The following SVIL variants were observed in gnomAD, a reference collection of about 807,000 sequenced individuals.
The protein encoded by SVIL is supervillin.
SVIL carries 101 observed loss-of-function variants against 240.4 expected under a neutral mutation model. That is an observed-to-expected ratio of 0.42 (90% CI 0.36 to 0.50). SVIL has a LOEUF of 0.50. SVIL is among the 20% of genes least tolerant of loss of function. The probability of loss-of-function intolerance (pLI) is 0.01; values close to 1 mark genes in which losing one functional copy is unlikely to be tolerated. For synonymous variants in SVIL, 999 were observed against 1,100.0 expected, an observed-to-expected ratio of 0.91 and a Z score of 1.82; for missense variants, 2,512 against 2,818.7, an observed-to-expected ratio of 0.89 and a Z score of 2.46.
intron 1 of SVIL, among the ~76,000 whole-genome samples, chr10:29,731,218 A>G (rs1303778548): frequency 6.6e-6 from 1 of 152,228 alleles, no homozygotes; most frequent in Non-Finnish European, 1.5e-5. Flanking sequence ...CTGCGAGTCC[A>G]TCCAGGGCTG....
intron 3 of SVIL, among the ~76,000 whole-genome samples, 196 bp from the exon 4 acceptor site, chr10:29,555,304 G>C (rs561933880): frequency 2.3e-4 from 33 of 141,022 alleles, no homozygotes; most frequent in Admixed American, 1.9e-3. Context: ...AAATGAATAA[G>C]AGTGTGCAGA....
chr10:29,572,242 A>G (rs1345026431), intron 1 of SVIL, among the ~76,000 whole-genome samples: 1 of 152,172 alleles, frequency 6.6e-6, no homozygotes, highest in Non-Finnish European at 1.5e-5. Flanking sequence ...CAGTGGTGGC[A>G]TTTTTGCCAT....
intron 1 of SVIL, among the ~76,000 whole-genome samples, chr10:29,727,732 C>T (rs1236031566): frequency 8.9e-6 from 1 of 112,480 alleles, no homozygotes. Flanking sequence ...TGAATTAAGT[C>T]GTGAACACAA....
chr10:29,596,596 A>G (rs2132821400), intron 1 of SVIL, among the ~76,000 whole-genome samples: 1 of 152,252 alleles, frequency 6.6e-6, no homozygotes, highest in South Asian at 2.1e-4. Context: ...TGATGCCACA[A>G]CTCAGGGAGT....
chr10:29,595,955 C>T (rs752906903), intron 1 of SVIL, among the ~76,000 whole-genome samples: 8 of 152,186 alleles, frequency 5.3e-5, no homozygotes, highest in East Asian at 1.9e-4. Flanking sequence ...TTCTGCAGGG[C>T]GAGCTTAGAG....
rs187616402 is a variant in SVIL, at chr10:29,653,241, C to T, written c.-201+4728G>A. On this transcript the variant is annotated intron_variant, in intron 3 of 35. Transcript: ENST00000375400. ...TTGGATCGTGGGGGCAAACTTCCCCCTTGCTGTTCTTGTGATGGTGAGTTC... is the reference window on the plus strand; with the variant it reads ...TTGGATCGTGGGGGCAAACTTCCCCTTTGCTGTTCTTGTGATGGTGAGTTC... 2.6e-5 allele frequency among the ~76,000 whole-genome samples: 4 copies of T among 152,258 alleles called. No individual in the cohort carries two copies. In the East Asian group the frequency reaches 7.7e-4, roughly 29 times the overall value.
chr10:29,564,453 T>G (rs1002159757), intron 2 of SVIL, among the ~76,000 whole-genome samples: 1 of 152,096 alleles, frequency 6.6e-6, no homozygotes, highest in African/African-American at 2.4e-5. Flanking sequence ...AAGAGGGAAC[T>G]GCAGTTCCTC....
intron 17 of SVIL, among the ~76,000 whole-genome samples, chr10:29,511,518 T>C (rs566799620): frequency 4.9e-4 from 75 of 152,192 alleles, no homozygotes; most frequent in Middle Eastern, 6.8e-3. Flanking sequence ...GATTTCAAGA[T>C]TCTTTTAAAT....
intron 36 of SVIL, among the ~76,000 whole-genome samples, chr10:29,461,884 T>TACACA (rs1467299855): frequency 2.6e-5 from 4 of 152,198 alleles, no homozygotes; most frequent in Non-Finnish European, 5.9e-5. Flanking sequence ...GTGTCTCCTC[T>TACACA]ACACAAGGTT....
In SVIL at chr10:29,481,689, T is replaced by C; in HGVS notation, c.4995A>G (p.Arg1665=). 1.2e-6 allele frequency: 2 copies of C among 1,613,830 alleles called. No homozygotes were observed. Among genetic ancestry groups the C allele is most frequent in the Non-Finnish European group, 1.7e-6 (2 of 1,179,952 alleles). ...AAATCGTCTCATTGTGTTCAGTAAG[T>C]CTCCCAAATATCGCCCAGTCGGGCC... ...QGRPDWAIFG[R]LTEHNETILF... is the part of the protein sequence containing the mutation. Residue 1665 remains arginine, a synonymous_variant, in exon 28 of 38, where the codon AGA becomes AGG. Transcript: ENST00000355867.
At chr10:29,465,256 C>T (rs895938104) in intron 34 of SVIL, among the ~76,000 whole-genome samples, 4 of 152,076 alleles carry the variant, frequency 2.6e-5, no homozygotes, top group Non-Finnish European at 2.9e-5. Context: ...CAATGGCAGT[C>T]GACGGGTGAC....
chr10:29,690,903 A>AT (rs1311338543), intron 1 of SVIL, among the ~76,000 whole-genome samples: 2 of 152,150 alleles, frequency 1.3e-5, no homozygotes, highest in Non-Finnish European at 2.9e-5. Flanking sequence ...AAGTTGGCTG[A>AT]TTTTTCTTAC....
chr10:29,569,750 G>A (rs1052351875), intron 1 of SVIL, among the ~76,000 whole-genome samples: 2 of 152,186 alleles, frequency 1.3e-5, no homozygotes, highest in Non-Finnish European at 1.5e-5. Context: ...AAGAATGGGG[G>A]TGGGGTCTGA....
At chr10:29,730,095 T>G (rs532267350) in intron 1 of SVIL, among the ~76,000 whole-genome samples, 7 of 152,014 alleles carry the variant, frequency 4.6e-5, no homozygotes, top group Non-Finnish European at 1.0e-4. Context: ...GGAGGATTCC[T>G]TGAGCCCAGG....
At chr10:29,600,909 T>C (rs189967546) in intron 1 of SVIL, among the ~76,000 whole-genome samples, 30 of 152,318 alleles carry the variant, frequency 2.0e-4, no homozygotes, top group Non-Finnish European at 3.5e-4. Context: ...AGTTCCGGGT[T>C]CTTTCTCACA....
At position 29,593,800 on chromosome 10, in the gene SVIL, G is replaced by A. The variant is rs1007530274; in HGVS notation, c.-200-24488C>T. Among the ~76,000 whole-genome samples, 7 of 152,268 alleles carry A rather than the reference G, an allele frequency of 4.6e-5. No individual in the cohort carries two copies. In the East Asian group the frequency reaches 1.3e-3, roughly 29 times the overall value. ...AAAATAATGTCATTAAATGGACTGC[G>A]CCCAAGCCCTTATCCTTAGAGACTG... is the stretch of plus-strand genomic sequence containing the variant. On this transcript the variant is annotated intron_variant, in intron 1 of 37. Transcript: ENST00000355867.
chr10:29,589,617 A>G (rs1218195858), intron 1 of SVIL, among the ~76,000 whole-genome samples: 1 of 152,138 alleles, frequency 6.6e-6, no homozygotes, highest in African/African-American at 2.4e-5. Context: ...ACTTCCACCC[A>G]GAGACCAGGC....
chr10:29,517,219 C>T (rs1056955399), intron 16 of SVIL, among the ~76,000 whole-genome samples: 1 of 151,848 alleles, frequency 6.6e-6, no homozygotes, highest in Non-Finnish European at 1.5e-5. Flanking sequence ...GGGAGACCAG[C>T]CTGGGCCGCA....
intron 1 of SVIL, among the ~76,000 whole-genome samples, chr10:29,731,119 G>A (rs1964595526): frequency 6.6e-6 from 1 of 152,332 alleles, no homozygotes; most frequent in East Asian, 1.9e-4. Flanking sequence ...GAGCTGACAT[G>A]ATTACAACAC....
Sources: gnomAD v4.1 joint callset for allele counts (sites outside exome capture counted in the v4.1 genomes callset) on GRCh38, gnomAD v4.1.1 for gene constraint, MANE v1.5 for transcripts, NCBI Gene and HGNC (gene_info 2026-07-23, HGNC 2026-07-21) for gene names.